Variants in NPAS3 observed in about 807,000 individuals in gnomAD.
NPAS3 encodes the protein neuronal PAS domain protein 3, also known as neuronal PAS domain-containing protein 3.
NPAS3 carries 14 observed loss-of-function variants against 73.1 expected under a neutral mutation model. The ratio of observed to expected loss-of-function variants is 0.19; its 90% CI spans 0.13 to 0.30. The LOEUF (loss-of-function observed/expected upper bound fraction) is 0.30. Ranked by LOEUF, NPAS3 falls within the 10% of genes least tolerant of loss-of-function variation. NPAS3 has a pLI of 1.00. For missense variants in NPAS3, 1,096 were observed against 1,250.0 expected (o/e 0.88, Z 1.86); for synonymous variants, 620 against 541.5 (o/e 1.14, Z -2.01).
At chr14:33,227,992 G>GA (rs1241211788) in intron 3 of NPAS3, among the ~76,000 whole-genome samples, 2 of 152,024 alleles carry the variant, frequency 1.3e-5, no homozygotes, top group Middle Eastern at 6.3e-3. Flanking sequence ...TTTCTTGACT[G>GA]AAAAAAATGG....
chr14:33,793,093 T>A (rs1285026146), intron 9 of NPAS3, among the ~76,000 whole-genome samples: 1 of 152,250 alleles, frequency 6.6e-6, no homozygotes, highest in African/African-American at 2.4e-5. Flanking sequence ...TCAAGTATCA[T>A]TTTTAACATC....
At chr14:33,079,518 A>T (rs1159023593) in intron 2 of NPAS3, among the ~76,000 whole-genome samples, 1 of 146,544 alleles carries the variant, frequency 6.8e-6, no homozygotes, top group Non-Finnish European at 1.5e-5. Context: ...GGGTTTCACC[A>T]TGTTGGCCAG....
chr14:33,526,440 C>T (rs2053805471), intron 4 of NPAS3, among the ~76,000 whole-genome samples: 1 of 150,184 alleles, frequency 6.7e-6, no homozygotes, highest in Non-Finnish European at 1.5e-5. Context: ...CAGGGCATGA[C>T]TATCACTCCA....
At chr14:33,802,302 C>T (rs992401222), downstream of NPAS3, 1 of 136,944 alleles carries the variant, frequency 7.3e-6, no homozygotes, top group Admixed American at 7.9e-5. Context: ...GGGTTGAAAC[C>T]AATAAGTTTT....
chr14:33,647,913 T>A (rs2140217123), intron 5 of NPAS3, among the ~76,000 whole-genome samples: 1 of 152,314 alleles, frequency 6.6e-6, no homozygotes, highest in African/African-American at 2.4e-5. Context: ...GTATAGAACA[T>A]CTTACTAACT....
chr14:33,243,259 C>A (rs951517784), intron 3 of NPAS3, among the ~76,000 whole-genome samples: 3 of 152,078 alleles, frequency 2.0e-5, no homozygotes, highest in Admixed American at 1.3e-4. Flanking sequence ...GAGAAAGTTT[C>A]TGGAGAGAAT....
intron 1 of NPAS3, among the ~76,000 whole-genome samples, chr14:32,988,091 C>A (rs1234012147): frequency 6.6e-6 from 1 of 151,980 alleles, no homozygotes; most frequent in Non-Finnish European, 1.5e-5. Context: ...TATCAAAATG[C>A]CAATATGTAA....
intron 5 of NPAS3, among the ~76,000 whole-genome samples, chr14:33,597,869 C>T (rs2057291405): frequency 6.6e-6 from 1 of 152,132 alleles, no homozygotes; most frequent in Non-Finnish European, 1.5e-5. Flanking sequence ...AAATAATTAC[C>T]TATATACTGT....
chr14:33,240,655 C>T (rs183218841), intron 3 of NPAS3, among the ~76,000 whole-genome samples: 1 of 151,960 alleles, frequency 6.6e-6, no homozygotes, highest in Admixed American at 6.6e-5. Context: ...TCTGCTTTTT[C>T]CTCTCTTGAG....
chr14:33,089,755 C>T (rs1260606665), intron 2 of NPAS3, among the ~76,000 whole-genome samples: 1 of 152,096 alleles, frequency 6.6e-6, no homozygotes, highest in African/African-American at 2.4e-5. Flanking sequence ...AGAGAAAGGT[C>T]GGGTTACCCA....
chr14:33,317,306 G>T (rs1207281918), intron 3 of NPAS3, among the ~76,000 whole-genome samples: 1 of 152,040 alleles, frequency 6.6e-6, no homozygotes, highest in East Asian at 1.9e-4. Flanking sequence ...GTGCTTTCGT[G>T]GTACTGTTTT....
intron 6 of NPAS3, among the ~76,000 whole-genome samples, chr14:33,719,597 A>T (rs12431946): frequency 6.6e-6 from 1 of 152,008 alleles, no homozygotes; most frequent in Non-Finnish European, 1.5e-5. Flanking sequence ...ATATATCCAC[A>T]CATTTAAAGA....
chr14:33,533,451 GAA>G (rs1000291530), intron 4 of NPAS3, among the ~76,000 whole-genome samples: 4 of 152,104 alleles, frequency 2.6e-5, no homozygotes, highest in African/African-American at 9.7e-5. Context: ...GGCCAAGTTC[GAA>G]AAGACTGATG....
At chr14:33,712,278 C>G (rs2060840098) in intron 6 of NPAS3, among the ~76,000 whole-genome samples, 1 of 152,104 alleles carries the variant, frequency 6.6e-6, no homozygotes, top group South Asian at 2.1e-4. Flanking sequence ...AGCAAAACAC[C>G]CCCCACCAAA....
intron 1 of NPAS3, among the ~76,000 whole-genome samples, chr14:33,007,227 C>T (rs943589261): frequency 1.2e-4 from 19 of 152,232 alleles, no homozygotes; most frequent in East Asian, 1.9e-4. Flanking sequence ...TAGTAGCGCC[C>T]GGCGCAAGCA....
At chr14:33,484,676 C>T (rs190475307) in intron 4 of NPAS3, among the ~76,000 whole-genome samples, 1 of 152,266 alleles carries the variant, frequency 6.6e-6, no homozygotes, top group East Asian at 1.9e-4. Flanking sequence ...GTTAAAATAC[C>T]TGGTCCATAA....
intron 9 of NPAS3, among the ~76,000 whole-genome samples, chr14:33,785,013 G>A (rs562425658): frequency 1.8e-4 from 27 of 151,446 alleles, no homozygotes; most frequent in African/African-American, 5.3e-4. Context: ...GCCTCCCAAC[G>A]GGCTGGGATT....
At chr14:33,686,400 A>T (rs2140385713) in intron 6 of NPAS3, among the ~76,000 whole-genome samples, 1 of 152,312 alleles carries the variant, frequency 6.6e-6, no homozygotes, top group Non-Finnish European at 1.5e-5. Flanking sequence ...ACCTAATGAA[A>T]ACATTATTTT....
chr14:33,140,521 G>A (rs1800585175), intron 2 of NPAS3, among the ~76,000 whole-genome samples: 1 of 152,134 alleles, frequency 6.6e-6, no homozygotes, highest in Admixed American at 6.6e-5. Context: ...GGTGTTGGCA[G>A]TATTTATCTC....
Sources: allele counts gnomAD v4.1 joint callset (sites outside exome capture counted in the v4.1 genomes callset), GRCh38; gene constraint gnomAD v4.1.1; transcripts MANE v1.5; gene names NCBI Gene and HGNC (gene_info 2026-07-23, HGNC 2026-07-21).